Variants in MAST4 observed in about 807,000 individuals in gnomAD.
MAST4 encodes microtubule associated serine/threonine kinase family member 4, also known as microtubule-associated serine/threonine-protein kinase 4.
MAST4 carries 89 observed loss-of-function variants against 162.7 expected under a neutral mutation model. The ratio of observed to expected loss-of-function variants is 0.55; its 90% CI spans 0.46 to 0.65. The LOEUF is 0.65. Among genes scored for constraint, MAST4 ranks in the 30% least tolerant of loss-of-function variants. The probability of loss-of-function intolerance (pLI) is 0.00; values close to 1 mark genes in which losing one functional copy is unlikely to be tolerated. For missense variants in MAST4, 3,153 were observed against 3,374.0 expected, an observed-to-expected ratio of 0.93 and a Z score of 1.62; for synonymous variants, 1,479 against 1,361.1, an observed-to-expected ratio of 1.09 and a Z score of -1.91.
intron 1 of MAST4, among the ~76,000 whole-genome samples, chr5:66,694,587 A>G (rs1431532540): frequency 2.0e-5 from 3 of 152,034 alleles, no homozygotes; most frequent in Non-Finnish European, 4.4e-5. Flanking sequence ...CCCAGGTTCA[A>G]GTGATTCTCC....
At chr5:66,610,056 G>GCTTT (rs1743192466) in intron 1 of MAST4, among the ~76,000 whole-genome samples, 2 of 151,902 alleles carry the variant, frequency 1.3e-5, no homozygotes, top group African/African-American at 2.4e-5. Context: ...TTTTGCCAAA[G>GCTTT]GGCAAAAACT....
intron 5 of MAST4, among the ~76,000 whole-genome samples, chr5:67,082,212 G>A (rs917010928): frequency 6.8e-6 from 1 of 147,520 alleles, no homozygotes; most frequent in African/African-American, 2.5e-5. Flanking sequence ...GCAGTGGCGC[G>A]ATCTCAGCTC....
intron 21 of MAST4, chr5:67,142,785 G>A: frequency 2.8e-6 from 1 of 362,882 alleles, no homozygotes; most frequent in Non-Finnish European, 5.0e-6. Flanking sequence ...GAGACCTTGG[G>A]CTTACCTGAG....
chr5:66,622,839 C>G (rs932536270), intron 1 of MAST4: 54 of 152,308 alleles, frequency 3.5e-4, no homozygotes, highest in African/African-American at 1.2e-3. Flanking sequence ...GCACAGAATC[C>G]CAGACCCAAT....
chr5:67,058,856 A>T (rs1252488247), intron 5 of MAST4, among the ~76,000 whole-genome samples: 1 of 152,214 alleles, frequency 6.6e-6, no homozygotes, highest in African/African-American at 2.4e-5. Flanking sequence ...TAAAAATAAA[A>T]CCCATAAGAA....
intron 5 of MAST4, among the ~76,000 whole-genome samples, chr5:67,087,870 G>A (rs951412719): frequency 6.6e-6 from 1 of 152,234 alleles, no homozygotes; most frequent in East Asian, 1.9e-4. Context: ...GGGAATTTAA[G>A]TTAGGTTTTA....
intron 4 of MAST4, among the ~76,000 whole-genome samples, chr5:67,034,494 C>T (rs1755763902): frequency 6.6e-6 from 1 of 152,108 alleles, no homozygotes; most frequent in South Asian, 2.1e-4. Context: ...AGTTCTCTAG[C>T]CAGAAATTCA....
rs547638001 is a variant in MAST4 at position 66,979,370 on chromosome 5, C to T, written c.675-75034C>T. ...TGCTCCTTGTTCCTGTGGTTTAGGTCTGGACTAAGAAAAAAAAATAGTCAT... is the reference window on the plus strand; with the variant it reads ...TGCTCCTTGTTCCTGTGGTTTAGGTTTGGACTAAGAAAAAAAAATAGTCAT... On this transcript the variant is annotated intron_variant, in intron 4 of 28. Transcript: ENST00000403625. 3.9e-5 allele frequency among the ~76,000 whole-genome samples: 6 copies of T among 152,054 alleles called. No homozygotes were observed. In the South Asian group the frequency reaches 1.2e-3, roughly 32 times the overall value.
intron 3 of MAST4, among the ~76,000 whole-genome samples, chr5:66,831,043 T>C (rs1397220298): frequency 6.6e-6 from 1 of 152,188 alleles, no homozygotes; most frequent in African/African-American, 2.4e-5. Context: ...CTTTTGAGTG[T>C]ACTAAATAAG....
chr5:67,034,172 G>A (rs1312304316), intron 4 of MAST4, among the ~76,000 whole-genome samples: 3 of 152,152 alleles, frequency 2.0e-5, no homozygotes, highest in South Asian at 2.1e-4. Flanking sequence ...TAGAGAGTTC[G>A]TAATTGTTCC....
At chr5:66,796,073 G>C (rs1755631744) in intron 3 of MAST4, among the ~76,000 whole-genome samples, 1 of 152,198 alleles carries the variant, frequency 6.6e-6, no homozygotes, top group Non-Finnish European at 1.5e-5. Flanking sequence ...AATCCATGAA[G>C]ATAAATCTCA....
Position 67,118,667 on chromosome 5 carries a change from T to C in MAST4, c.1592-15T>C, listed in dbSNP as rs1179925288. 6.6e-7 allele frequency: 1 copy of C among 1,523,208 alleles called. No individual in the cohort carries two copies. The highest frequency in any genetic ancestry group is 2.0e-5 in the Admixed American group (1 of 50,098). 94.4% of individuals were successfully genotyped at this position (1,523,208 alleles called of 1,614,324 possible). A position where few individuals can be genotyped will look rare whatever the true frequency, so the allele number is the denominator to read the frequency against. On this transcript the variant is annotated splice_polypyrimidine_tract_variant and intron_variant, in intron 12 of 28. Transcript: ENST00000403625. ...ATATTTTTATTAAGCTTAACTTTTT[T>C]TTTTTCCAACTTAGAAATGGCTCAT...
At chr5:67,067,926 T>TAC in intron 5 of MAST4, among the ~76,000 whole-genome samples, 1 of 152,106 alleles carries the variant, frequency 6.6e-6, no homozygotes, top group East Asian at 1.9e-4. Flanking sequence ...AGAATCGGTG[T>TAC]ACACACACAT....
At chr5:66,673,104 T>G (rs146899781) in intron 1 of MAST4, among the ~76,000 whole-genome samples, 1 of 152,216 alleles carries the variant, frequency 6.6e-6, no homozygotes, top group East Asian at 1.9e-4. Context: ...CTTCAGTACA[T>G]TGCCTTTCAT....
intron 24 of MAST4, among the ~76,000 whole-genome samples, chr5:67,151,801 T>C (rs1351580859): frequency 6.8e-6 from 1 of 147,208 alleles, no homozygotes; most frequent in African/African-American, 2.5e-5. Flanking sequence ...AGGGTCTTGC[T>C]CTGTCGCCTA....
chr5:66,650,186 G>A (rs988230570), intron 1 of MAST4, among the ~76,000 whole-genome samples: 1 of 152,050 alleles, frequency 6.6e-6, no homozygotes, highest in Non-Finnish European at 1.5e-5. Flanking sequence ...GCTCAGCTTG[G>A]CTGGTGGCTC....
rs1773820344 is a variant in MAST4 at position 67,165,641 on chromosome 5, C to A, written c.6462C>A (p.Ser2154=). Residue 2154 remains serine (S), a synonymous_variant, in exon 29 of 29, where the codon TCC becomes TCA. Coordinates refer to ENST00000403625, the MANE Select transcript of MAST4 (RefSeq NM_001164664.2). ...SSPAARQHCS[S]PSHASGREPG... ...CGGCTGCCAGGCAGCATTGCAGTTC[C>A]CCAAGCCACGCTTCTGGCAGAGAGC... The A allele has an allele frequency of 1.2e-6, 2 of 1,610,076 alleles. No homozygotes were observed. The highest frequency in any genetic ancestry group is 1.7e-6 in the Non-Finnish European group (2 of 1,178,400).
intron 5 of MAST4, among the ~76,000 whole-genome samples, chr5:67,056,857 A>C (rs1758889741): frequency 6.7e-6 from 1 of 149,988 alleles, no homozygotes; most frequent in South Asian, 2.1e-4. Context: ...CACCATGCCC[A>C]GCTAATTTTT....
chr5:66,978,396 G>A (rs1297024490), intron 4 of MAST4, among the ~76,000 whole-genome samples: 1 of 152,142 alleles, frequency 6.6e-6, no homozygotes, highest in African/African-American at 2.4e-5. Flanking sequence ...GTAAGCTACG[G>A]CATATCAGCA....
Sources: gnomAD v4.1 joint callset for allele counts (sites outside exome capture counted in the v4.1 genomes callset) on GRCh38, gnomAD v4.1.1 for gene constraint, MANE v1.5 for transcripts, NCBI Gene and HGNC (gene_info 2026-07-23, HGNC 2026-07-21) for gene names.